The following UBE3B variants were observed in gnomAD, a reference collection of about 807,000 sequenced individuals.
UBE3B encodes ubiquitin protein ligase E3B, also known as ubiquitin-protein ligase E3B.
In UBE3B, 80 loss-of-function variants were observed where a neutral mutation model predicts 132.3. The observed-to-expected ratio is 0.60, with a 90% CI of 0.50 to 0.73. The LOEUF is 0.73. UBE3B is among the 30% of genes least tolerant of loss of function. The pLI is 0.00. For missense variants in UBE3B, 1,196 were observed against 1,362.5 expected, an observed-to-expected ratio of 0.88 and a Z score of 1.92; for synonymous variants, 487 against 520.4, an observed-to-expected ratio of 0.94 and a Z score of 0.87.
At chr12:109,547,664 C>A in the UBE3B span, among the ~76,000 whole-genome samples, 2 of 152,206 alleles carry the variant, frequency 1.3e-5, no homozygotes, top group South Asian at 2.1e-4. This position sits in a 1 kb window ranked among gnomAD's most constrained non-coding sequence, Gnocchi z 4.1. Context: ...CAGCAGCCAA[C>A]CCACAGCGAA....
chr12:109,530,242 C>G (rs899055916), intron 25 of UBE3B, among the ~76,000 whole-genome samples, 170 bp downstream of exon 25: 1 of 152,160 alleles, frequency 6.6e-6, no homozygotes. Flanking sequence ...ACTTGTCTGC[C>G]TAGAGATTAA....
At chr12:109,520,895 C>T (rs1881630528) in intron 19 of UBE3B, 1 of 368,796 alleles carries the variant, frequency 2.7e-6, no homozygotes, top group Admixed American at 4.0e-5. Flanking sequence ...ACTTCCCCAT[C>T]TCACTGCTCT....
chr12:109,525,773 G>A (rs1444848819), intron 23 of UBE3B, among the ~76,000 whole-genome samples: 4 of 152,044 alleles, frequency 2.6e-5, no homozygotes, highest in Admixed American at 2.6e-4. Context: ...TCTAATATGA[G>A]CAAAAGATGA....
chr12:109,545,605 C>T, the UBE3B span, among the ~76,000 whole-genome samples: 18 of 152,184 alleles, frequency 1.2e-4, no homozygotes, highest in African/African-American at 1.9e-4. Context: ...TGGTCTGCCA[C>T]ACTCCAGAGC....
At chr12:109,493,448 A>C (rs918083012) in intron 9 of UBE3B, among the ~76,000 whole-genome samples, 1 of 152,236 alleles carries the variant, frequency 6.6e-6, no homozygotes, top group Non-Finnish European at 1.5e-5. Context: ...CAACATGCTC[A>C]CATCCAGTCA....
intron 9 of UBE3B, chr12:109,491,644 A>C (rs1168007564): frequency 6.6e-6 from 1 of 152,640 alleles, no homozygotes; most frequent in Non-Finnish European, 1.5e-5. Context: ...AATTCTGAGA[A>C]TTGCCAAATG....
chr12:109,510,589 T>A, intron 17 of UBE3B, 131 bp downstream of exon 17: 1 of 710,942 alleles, frequency 1.4e-6, no homozygotes, highest in Non-Finnish European at 2.4e-6. Flanking sequence ...TTCATTTGTG[T>A]AAAGAGAGCT....
chr12:109,483,668 T>C lies in UBE3B; in HGVS notation c.117T>C (p.His39=). The C allele has an allele frequency of 1.9e-6, 3 of 1,612,196 alleles. No homozygotes were observed. The highest frequency in any genetic ancestry group is 2.5e-6 in the Non-Finnish European group (3 of 1,179,344). ...RERAAVVIQA[H]VRSFLCRSRL... ...GGGCAGCTGTTGTGATCCAGGCCCA[T>C]GTCCGGAGTTTTCTCTGTCGGAGTC... Residue 39 remains histidine, a synonymous_variant, in exon 3 of 28, where the codon CAT becomes CAC. Coordinates refer to ENST00000342494, the MANE Select transcript of UBE3B (RefSeq NM_130466.4).
chr12:109,521,526 A>G lies in UBE3B; in HGVS notation c.2339A>G (p.Lys780Arg). ...CTGCAGCTCTTCGAGTTTGTGGGGA[A>G]GATGCTGGGGAAGGCTGTGTATGAG... The part of the protein sequence containing the change: ...NYLQLFEFVG[K>R]MLGKAVYEGI... The change falls in exon 21 of 28, where the codon AAG (lysine) becomes AGG (arginine). Residue 780 changes from lysine (K) to arginine (R), a missense_variant. Coordinates refer to ENST00000342494, the MANE Select transcript of UBE3B (RefSeq NM_130466.4). This position sits in a 1 kb window ranked among gnomAD's most constrained non-coding sequence, Gnocchi z 4.2. 6.2e-7 allele frequency: 1 copy of G among 1,601,236 alleles called. No individual in the cohort carries two copies. Among genetic ancestry groups the G allele is most frequent in the African/African-American group, 1.3e-5 (1 of 74,678 alleles).
At chr12:109,496,554 A>G (rs1878229278) in intron 9 of UBE3B, among the ~76,000 whole-genome samples, 1 of 152,168 alleles carries the variant, frequency 6.6e-6, no homozygotes, top group Non-Finnish European at 1.5e-5. Flanking sequence ...AATACTTGTT[A>G]TCTGTCTTTT....
intron 13 of UBE3B, 50 bp downstream of exon 13, chr12:109,501,584 C>G (rs781150216): frequency 1.3e-5 from 21 of 1,579,220 alleles, no homozygotes; most frequent in Non-Finnish European, 1.8e-5. Context: ...GGCTGAAGTA[C>G]AGCTCCTGTT....
At chr12:109,495,490 C>T (rs1348285398) in intron 9 of UBE3B, among the ~76,000 whole-genome samples, 3 of 152,192 alleles carry the variant, frequency 2.0e-5, no homozygotes, top group Admixed American at 1.3e-4. Context: ...CTGCTGAGAC[C>T]AGCTTGGTCG....
chr12:109,533,895 T>A (rs1652069516), intron 27 of UBE3B: 4 of 1,331,986 alleles, frequency 3.0e-6, no homozygotes, highest in Non-Finnish European at 4.0e-6. Flanking sequence ...AGTGAGAGAG[T>A]GGGCTCAGGA....
intron 4 of UBE3B, among the ~76,000 whole-genome samples, chr12:109,484,326 A>T (rs1239922765): frequency 2.6e-5 from 4 of 152,260 alleles, no homozygotes; most frequent in Non-Finnish European, 5.9e-5. Context: ...CATCAAAAGG[A>T]GTAGCAGGGT....
At chr12:109,483,443 C>T (rs770693481) in intron 2 of UBE3B, 88 bp from the exon 3 acceptor site, 1 of 1,384,714 alleles carries the variant, frequency 7.2e-7, no homozygotes, top group South Asian at 1.6e-5. Flanking sequence ...CTGCCCAGGT[C>T]CCTGCCCACC....
intron 8 of UBE3B, chr12:109,490,582 G>T (rs1877304795): frequency 6.5e-6 from 10 of 1,536,008 alleles, no homozygotes; most frequent in Non-Finnish European, 8.7e-6. Context: ...ATGACTGGCA[G>T]TTGTCTCGCT....
chr12:109,484,028 C>G, intron 4 of UBE3B, 47 bp downstream of exon 4: 1 of 1,554,894 alleles, frequency 6.4e-7, no homozygotes, highest in Non-Finnish European at 8.8e-7. Flanking sequence ...TATGTCAGAT[C>G]TTTTATAATT....
downstream of UBE3B, among the ~76,000 whole-genome samples, chr12:109,538,212 ACAAGG>A (rs759870756): frequency 2.0e-5 from 3 of 152,260 alleles, no homozygotes; most frequent in Non-Finnish European, 4.4e-5. This position sits in a 1 kb window ranked among gnomAD's most constrained non-coding sequence, Gnocchi z 4.1. Context: ...CTGTTAGCAG[ACAAGG>A]CACTGCTGAA....
chr12:109,484,712 T>A (rs1047392898), intron 4 of UBE3B, among the ~76,000 whole-genome samples: 1 of 148,750 alleles, frequency 6.7e-6, no homozygotes, highest in South Asian at 2.1e-4. Context: ...TTTTTTTTTT[T>A]AAAGAGATGC....
Sources: allele counts gnomAD v4.1 joint callset (sites outside exome capture counted in the v4.1 genomes callset), GRCh38; gene constraint gnomAD v4.1.1; non-coding constraint Gnocchi (gnomAD v3.1); transcripts MANE v1.5; gene names NCBI Gene and HGNC (gene_info 2026-07-23, HGNC 2026-07-21).